Variants in PBRM1 observed in about 807,000 individuals in gnomAD.
PBRM1 encodes polybromo 1.
In PBRM1, 27 loss-of-function variants were observed where a neutral mutation model predicts 194.5. That is an observed-to-expected ratio of 0.14 (90% CI 0.10 to 0.19). PBRM1 has a LOEUF of 0.19. Among genes scored for constraint, PBRM1 ranks in the 10% least tolerant of loss-of-function variants. The pLI is 1.00. For missense variants in PBRM1, 1,466 were observed against 2,077.2 expected (o/e 0.71, Z 5.72); for synonymous variants, 655 against 693.2 (o/e 0.94, Z 0.87).
At chr3:52,650,311 G>C (rs2096453062) in intron 6 of PBRM1, among the ~76,000 whole-genome samples, 1 of 146,176 alleles carries the variant, frequency 6.8e-6, no homozygotes, top group Admixed American at 6.9e-5. Context: ...TTGCAGTGAG[G>C]TGAGATCATG....
intron 13 of PBRM1, among the ~76,000 whole-genome samples, chr3:52,625,644 G>A (rs1173760519): frequency 1.3e-5 from 2 of 149,958 alleles, no homozygotes; most frequent in Admixed American, 6.7e-5. Context: ...GTACAATCTC[G>A]GCTCACTGCA....
At chr3:52,575,258 A>C (rs911074456) in intron 22 of PBRM1, among the ~76,000 whole-genome samples, 24 of 150,294 alleles carry the variant, frequency 1.6e-4, no homozygotes, top group African/African-American at 5.8e-4. Context: ...AAACGTTTAG[A>C]AGAGTCACTG....
At chr3:52,637,142 C>G (rs187325304) in intron 10 of PBRM1, among the ~76,000 whole-genome samples, 464 of 152,198 alleles carry the variant, frequency 3.0e-3, no homozygotes, top group South Asian at 3.7e-3. Flanking sequence ...GGATTTACAC[C>G]TAGGTATATA....
chr3:52,650,239 T>G (rs1054246584), intron 6 of PBRM1, among the ~76,000 whole-genome samples: 1 of 151,390 alleles, frequency 6.6e-6, no homozygotes, highest in Admixed American at 6.6e-5. Context: ...GGCAGGCGCC[T>G]ATAATCCCAG....
intron 25 of PBRM1, among the ~76,000 whole-genome samples, chr3:52,559,438 T>C (rs891126666): frequency 6.6e-6 from 1 of 152,070 alleles, no homozygotes; most frequent in Non-Finnish European, 1.5e-5. Flanking sequence ...GTTTCTTGTC[T>C]CACCATTCAT....
At chr3:52,626,696 G>A (rs533936826) in intron 13 of PBRM1, among the ~76,000 whole-genome samples, 19 of 152,182 alleles carry the variant, frequency 1.2e-4, no homozygotes, top group Non-Finnish European at 2.6e-4. Flanking sequence ...CCCGTGAGAA[G>A]GAGAAACGGT....
chr3:52,583,152 G>A (rs1022318360), intron 20 of PBRM1, among the ~76,000 whole-genome samples: 11 of 147,010 alleles, frequency 7.5e-5, no homozygotes, highest in Admixed American at 6.2e-4. Context: ...GCTCACACCT[G>A]TAATACTAGC....
At chr3:52,563,873 C>G (rs2084328548) in intron 23 of PBRM1, among the ~76,000 whole-genome samples, 177 bp downstream of exon 25, 1 of 151,784 alleles carries the variant, frequency 6.6e-6, no homozygotes, top group Non-Finnish European at 1.5e-5. Flanking sequence ...GAGCAGCCAC[C>G]AGGTCCCAGC....
chr3:52,656,842 T>C (rs2096617039), intron 5 of PBRM1, among the ~76,000 whole-genome samples: 1 of 152,084 alleles, frequency 6.6e-6, no homozygotes, highest in Admixed American at 6.6e-5. Context: ...GGTGGGAGAA[T>C]CGCTTGAGCC....
chr3:52,593,795 TG>T (rs1206263438), intron 17 of PBRM1, among the ~76,000 whole-genome samples: 1 of 152,194 alleles, frequency 6.6e-6, no homozygotes, highest in East Asian at 1.9e-4. Context: ...AGAGAGTGGT[TG>T]GTATAATTTT....
intron 17 of PBRM1, among the ~76,000 whole-genome samples, chr3:52,601,309 A>G (rs547862431): frequency 2.6e-5 from 4 of 152,176 alleles, no homozygotes; most frequent in South Asian, 4.1e-4. Context: ...GTGGAAGATA[A>G]TTTTTCCACA....
chr3:52,562,317 ACT>A (rs1304585403), intron 24 of PBRM1, among the ~76,000 whole-genome samples: 1 of 109,340 alleles, frequency 9.1e-6, no homozygotes, highest in East Asian at 2.7e-4. Context: ...ACAGAGCAAG[ACT>A]CTGTCTCAAA....
intron 16 of PBRM1, among the ~76,000 whole-genome samples, chr3:52,607,299 C>G (rs1315943977): frequency 6.6e-6 from 1 of 152,052 alleles, no homozygotes; most frequent in African/African-American, 2.4e-5. Context: ...TTCCTAACTA[C>G]TAAATTACCA....
chr3:52,609,397 T>C lies in PBRM1; in HGVS notation c.2483A>G (p.Asn828Ser). The C allele has an allele frequency of 6.2e-7, 1 of 1,613,798 alleles. No individual in the cohort carries two copies. The highest frequency in any genetic ancestry group is 8.5e-7 in the Non-Finnish European group (1 of 1,179,674). ...CCGACGGTAGCGATTATTTTCAACA[T>C]TCTTCCTAATTATGTCAAATGTAAG... Residue 828 changes from asparagine (N) to serine (S), a missense_variant, in exon 16 of 30, where the codon AAT (asparagine) becomes AGT (serine). Physicochemically the swap from Asn to Ser is conservative, Grantham distance 46. Coordinates refer to ENST00000296302, the Ensembl canonical transcript of PBRM1. This position sits in a 1 kb window ranked among gnomAD's most constrained non-coding sequence, Gnocchi z 4.1.
At chr3:52,584,447 T>C (rs1394926285) in intron 20 of PBRM1, among the ~76,000 whole-genome samples, 1 of 145,596 alleles carries the variant, frequency 6.9e-6, no homozygotes, top group Non-Finnish European at 1.5e-5. Context: ...AAAAGTATTC[T>C]TGCTTTTTTT....
intron 9 of PBRM1, 74 bp from the exon 11 acceptor site, chr3:52,642,119 CT>C: frequency 1.2e-6 from 1 of 802,028 alleles, no homozygotes; most frequent in African/African-American, 1.7e-5. Flanking sequence ...GGAACAGGAA[CT>C]ATTAACAAAG....
intron 22 of PBRM1, among the ~76,000 whole-genome samples, chr3:52,565,570 G>GA (rs2084927631): frequency 6.6e-6 from 1 of 150,398 alleles, no homozygotes; most frequent in Non-Finnish European, 1.5e-5. Flanking sequence ...ATACTATCAA[G>GA]AAAGTGAAAA....
chr3:52,603,477 G>A (rs778349950), intron 17 of PBRM1, 44 bp downstream of exon 19: 2 of 1,559,180 alleles, frequency 1.3e-6, no homozygotes, highest in African/African-American at 2.7e-5. Context: ...ACACCTAGAA[G>A]ACAGTGCATT....
intron 24 of PBRM1, 92 bp downstream of exon 26, chr3:52,563,191 T>C (rs2084115456): frequency 3.7e-6 from 3 of 808,606 alleles, no homozygotes; most frequent in East Asian, 5.1e-5. Flanking sequence ...AGCTCACATA[T>C]GGAGGGGCTG....
Sources: allele counts gnomAD v4.1 joint callset (sites outside exome capture counted in the v4.1 genomes callset), GRCh38; gene constraint gnomAD v4.1.1; non-coding constraint Gnocchi (gnomAD v3.1); transcripts MANE v1.5; gene names NCBI Gene and HGNC (gene_info 2026-07-23, HGNC 2026-07-21).